DDAH1: variants seen among roughly 807,000 people sequenced by gnomAD.
DDAH1 encodes the protein dimethylarginine dimethylaminohydrolase 1, also known as N(G),N(G)-dimethylarginine dimethylaminohydrolase 1.
DDAH1 carries 19 observed loss-of-function variants against 28.8 expected under a neutral mutation model. That is an observed-to-expected ratio of 0.66 (90% CI 0.46 to 0.97). The LOEUF (loss-of-function observed/expected upper bound fraction) is 0.97, where lower values mean the gene tolerates loss of function less well. Ranked by LOEUF, DDAH1 falls within the 50% of genes least tolerant of loss-of-function variation. The probability of loss-of-function intolerance (pLI) is 0.00; values close to 1 mark genes in which losing one functional copy is unlikely to be tolerated. For synonymous variants in DDAH1, 153 were observed against 154.4 expected (o/e 0.99, Z 0.07); for missense variants, 326 against 375.9 (o/e 0.87, Z 1.10).
intron 1 of DDAH1, among the ~76,000 whole-genome samples, chr1:85,561,824 T>C (rs1205663559): frequency 1.3e-5 from 2 of 152,178 alleles, no homozygotes; most frequent in Non-Finnish European, 2.9e-5. Flanking sequence ...TTAGAACGTA[T>C]ACTTCTATGG....
chr1:85,400,183 T>TTTCTTTTTC (rs1459418317), intron 1 of DDAH1, among the ~76,000 whole-genome samples: 2 of 27,864 alleles, frequency 7.2e-5, no homozygotes, highest in African/African-American at 2.3e-4. Context: ...TTTTCTTTTT[T>TTTCTTTTTC]TTTTTTTTTT....
chr1:85,386,577 T>C (rs1651273320), intron 1 of DDAH1, among the ~76,000 whole-genome samples: 1 of 152,154 alleles, frequency 6.6e-6, no homozygotes, highest in African/African-American at 2.4e-5. Context: ...ATCTCATGAG[T>C]TGGAGTCCAA....
intron 1 of DDAH1, among the ~76,000 whole-genome samples, chr1:85,397,471 T>G (rs935909655): frequency 2.0e-5 from 3 of 152,196 alleles, no homozygotes; most frequent in Non-Finnish European, 4.4e-5. Context: ...GTAAGGGTTT[T>G]TATTGCTTTT....
At chr1:85,515,674 G>A (rs1657443807) in intron 1 of DDAH1, among the ~76,000 whole-genome samples, 1 of 151,990 alleles carries the variant, frequency 6.6e-6, no homozygotes, top group Non-Finnish European at 1.5e-5. Context: ...TCCAGTATGT[G>A]GATGAATTTA....
At chr1:85,420,737 C>T (rs1653103572) in intron 1 of DDAH1, among the ~76,000 whole-genome samples, 1 of 152,206 alleles carries the variant, frequency 6.6e-6, no homozygotes, top group African/African-American at 2.4e-5. Context: ...GTCTTCTTCT[C>T]AGCCTTCCAC....
intron 1 of DDAH1, among the ~76,000 whole-genome samples, chr1:85,544,109 TG>T (rs1438592811): frequency 6.6e-6 from 1 of 152,236 alleles, no homozygotes; most frequent in African/African-American, 2.4e-5. Context: ...GAAAACTGCC[TG>T]TACCTAGTTG....
intron 1 of DDAH1, among the ~76,000 whole-genome samples, chr1:85,577,773 C>A (rs1659654459): frequency 6.6e-6 from 1 of 152,012 alleles, no homozygotes; most frequent in Admixed American, 6.6e-5. Flanking sequence ...CCTAAAATTC[C>A]CTGGCAGCAG....
At chr1:85,567,105 A>C (rs913818052) in intron 1 of DDAH1, among the ~76,000 whole-genome samples, 2 of 152,176 alleles carry the variant, frequency 1.3e-5, no homozygotes, top group African/African-American at 4.8e-5. Flanking sequence ...GATGAGGCCC[A>C]CTCACATCAG....
chr1:85,467,432 T>A (rs933687874), upstream of DDAH1: 1 of 152,242 alleles, frequency 6.6e-6, no homozygotes, highest in Non-Finnish European at 1.5e-5. Flanking sequence ...CATACTGAAA[T>A]TGGGTACCTG....
chr1:85,532,372 C>T (rs1658119353), intron 1 of DDAH1, among the ~76,000 whole-genome samples: 1 of 151,116 alleles, frequency 6.6e-6, no homozygotes. Flanking sequence ...ACTAAAAAAC[C>T]TAGAAGTCTC....
At chr1:85,405,921 C>T (rs547138444) in intron 1 of DDAH1, among the ~76,000 whole-genome samples, 2 of 152,316 alleles carry the variant, frequency 1.3e-5, no homozygotes, top group South Asian at 2.1e-4. Flanking sequence ...ACTTATGTTG[C>T]CAACTTAAAG....
Position 85,319,361 on chromosome 1 carries a change from GA to G in DDAH1, c.*2090del, listed in dbSNP as rs1376607571. 6.6e-6 allele frequency: 1 copy of G among 152,158 alleles called. No individual in the cohort carries two copies. The highest frequency in any genetic ancestry group is 1.5e-5 in the Non-Finnish European group (1 of 68,024). The allele number at this position is 152,158 out of a possible 1,614,324, so 9.4% of individuals were successfully genotyped here. A position where few individuals can be genotyped will look rare whatever the true frequency, so the allele number is the denominator to read the frequency against. On this transcript the variant is annotated 3_prime_UTR_variant, in exon 6 of 6. Transcript: ENST00000284031. ...CTTCTGCAGAACAAATTGTTACAAAGAAAAATCTATTTGCTTGCAATTGATT... is the reference window on the plus strand; with the variant it reads ...CTTCTGCAGAACAAATTGTTACAAAGAAAATCTATTTGCTTGCAATTGATT...
At chr1:85,346,826 G>A (rs1570408841) in intron 4 of DDAH1, among the ~76,000 whole-genome samples, 1 of 152,164 alleles carries the variant, frequency 6.6e-6, no homozygotes, top group South Asian at 2.1e-4. Context: ...GAGTGAACAG[G>A]CAACCTACAG....
intron 1 of DDAH1, among the ~76,000 whole-genome samples, chr1:85,430,413 T>C (rs1311506816): frequency 6.6e-6 from 1 of 152,232 alleles, no homozygotes; most frequent in African/African-American, 2.4e-5. Context: ...AAATTTTAAG[T>C]AGTTTTTTCT....
At chr1:85,388,353 A>G (rs1041870488) in intron 1 of DDAH1, among the ~76,000 whole-genome samples, 1 of 152,218 alleles carries the variant, frequency 6.6e-6, no homozygotes, top group Non-Finnish European at 1.5e-5. Context: ...GAAAAAATAA[A>G]CTTTCTCTTG....
At chr1:85,476,854 C>G (rs1049542800) in intron 2 of DDAH1, among the ~76,000 whole-genome samples, 1 of 152,024 alleles carries the variant, frequency 6.6e-6, no homozygotes, top group African/African-American at 2.4e-5. Context: ...TGAAGTTTTG[C>G]TAACTTTTTT....
intron 1 of DDAH1, among the ~76,000 whole-genome samples, chr1:85,526,311 C>T (rs1657870689): frequency 6.6e-6 from 1 of 152,156 alleles, no homozygotes; most frequent in Non-Finnish European, 1.5e-5. Flanking sequence ...GACAATGATC[C>T]CTCAGCTTCT....
chr1:85,541,174 T>C (rs1337907358), intron 1 of DDAH1, among the ~76,000 whole-genome samples: 1 of 152,196 alleles, frequency 6.6e-6, no homozygotes, highest in Non-Finnish European at 1.5e-5. Context: ...TCTCCTGCCA[T>C]GATCCAGTCA....
chr1:85,448,629 G>A (rs1192252185), intron 1 of DDAH1, among the ~76,000 whole-genome samples: 1 of 152,122 alleles, frequency 6.6e-6, no homozygotes, highest in African/African-American at 2.4e-5. Context: ...ACACTCCAGT[G>A]ACTCAAATGA....
Sources: gnomAD v4.1 joint callset for allele counts (sites outside exome capture counted in the v4.1 genomes callset) on GRCh38, gnomAD v4.1.1 for gene constraint, MANE v1.5 for transcripts, NCBI Gene and HGNC (gene_info 2026-07-23, HGNC 2026-07-21) for gene names.